RNF150: variants seen among roughly 807,000 people sequenced by gnomAD.
The protein encoded by RNF150 is ring finger protein 150.
Under a neutral mutation model 39.3 loss-of-function variants are expected in RNF150, and 24 were observed. The ratio of observed to expected loss-of-function variants is 0.61; its 90% CI spans 0.44 to 0.86. The LOEUF (loss-of-function observed/expected upper bound fraction) is 0.86, where lower values mean the gene tolerates loss of function less well. RNF150 is among the 40% of genes least tolerant of loss of function. RNF150 has a pLI of 0.00. For missense variants in RNF150, 502 were observed against 587.8 expected, an observed-to-expected ratio of 0.85 and a Z score of 1.51; for synonymous variants, 255 against 227.3, an observed-to-expected ratio of 1.12 and a Z score of -1.10.
At chr4:140,970,795 CAG>C (rs1579015624) in intron 1 of RNF150, among the ~76,000 whole-genome samples, 1 of 152,078 alleles carries the variant, frequency 6.6e-6, no homozygotes, top group African/African-American at 2.4e-5. Context: ...GAAAGACAAA[CAG>C]TGCAAATGGC....
At chr4:141,193,777 A>T (rs2111205705) in intron 1 of RNF150, among the ~76,000 whole-genome samples, 1 of 152,336 alleles carries the variant, frequency 6.6e-6, no homozygotes, top group South Asian at 2.1e-4. Flanking sequence ...AGAGATGCTT[A>T]GCAAGCGTCC....
chr4:140,917,829 A>G (rs1253512273), intron 5 of RNF150, among the ~76,000 whole-genome samples: 6 of 151,256 alleles, frequency 4.0e-5, no homozygotes, highest in African/African-American at 1.5e-4. Context: ...AACAGAAATT[A>G]TAACAAACTG....
At chr4:140,869,604 G>A (rs1055981576) in intron 6 of RNF150, among the ~76,000 whole-genome samples, 7 of 152,178 alleles carry the variant, frequency 4.6e-5, no homozygotes, top group African/African-American at 1.7e-4. Context: ...ACAACACAGT[G>A]AGATAAGCAC....
At chr4:140,958,460 G>A (rs1732873848) in intron 2 of RNF150, among the ~76,000 whole-genome samples, 1 of 152,106 alleles carries the variant, frequency 6.6e-6, no homozygotes, top group South Asian at 2.1e-4. Flanking sequence ...GCTTCGTCTG[G>A]TGGAAAACAC....
chr4:140,939,442 A>C (rs562046728), intron 4 of RNF150, among the ~76,000 whole-genome samples: 6 of 152,212 alleles, frequency 3.9e-5, no homozygotes, highest in Non-Finnish European at 7.3e-5. Flanking sequence ...TCCTAAAAGG[A>C]AAGAAGAGAA....
At position 140,950,979 on chromosome 4, in the gene RNF150, T is replaced by C. The variant is rs191575308; in HGVS notation, c.736-1607A>G. Among the ~76,000 whole-genome samples the C allele has an allele frequency of 1.5e-4, 23 of 152,268 alleles. 1 individual carries two copies. The highest frequency in any genetic ancestry group is 3.4e-3 in the Middle Eastern group (1 of 294). The stretch of plus-strand genomic sequence containing the variant: ...AATAGGAAGAGTCTTTAGTGATAAA[T>C]ACCAGGAAAAACAGGAGAGCGAGAG... On this transcript the variant is annotated intron_variant, in intron 2 of 6. Transcript: ENST00000515673.
chr4:141,182,800 T>C (rs1317360197), intron 1 of RNF150, among the ~76,000 whole-genome samples: 1 of 125,766 alleles, frequency 8.0e-6, no homozygotes, highest in Non-Finnish European at 1.7e-5. Context: ...AAGCTACCAA[T>C]GACTTTCTTC....
intron 1 of RNF150, among the ~76,000 whole-genome samples, chr4:141,042,180 A>G (rs1384510722): frequency 6.6e-6 from 1 of 152,112 alleles, no homozygotes; most frequent in Non-Finnish European, 1.5e-5. Context: ...AACAATTGCT[A>G]GTGAATCAGA....
At chr4:141,172,172 G>A (rs1420089416) in intron 1 of RNF150, among the ~76,000 whole-genome samples, 2 of 151,922 alleles carry the variant, frequency 1.3e-5, no homozygotes, top group African/African-American at 4.8e-5. Context: ...GGGCAGCTCG[G>A]TGGCTCTGCT....
intron 1 of RNF150, among the ~76,000 whole-genome samples, chr4:140,992,745 C>A (rs1734239464): frequency 6.6e-6 from 1 of 152,176 alleles, no homozygotes; most frequent in South Asian, 2.1e-4. Flanking sequence ...CCATTCTCCT[C>A]CCCCTTTCAT....
chr4:141,070,531 A>G (rs1737652071), intron 1 of RNF150, among the ~76,000 whole-genome samples: 1 of 150,014 alleles, frequency 6.7e-6, no homozygotes, highest in South Asian at 2.2e-4. Flanking sequence ...AAACAAATTT[A>G]CAAGAAAAAA....
intron 1 of RNF150, among the ~76,000 whole-genome samples, chr4:141,114,635 C>T (rs1271272685): frequency 6.6e-6 from 1 of 152,136 alleles, no homozygotes; most frequent in Non-Finnish European, 1.5e-5. Flanking sequence ...AAGAAGGACT[C>T]CTTCCTAATG....
chr4:141,053,815 GCTCT>G, intron 1 of RNF150: 1 of 627,874 alleles, frequency 1.6e-6, no homozygotes, highest in Non-Finnish European at 2.3e-6. Context: ...CCTTCAAAAT[GCTCT>G]CTCTCTTTCC....
At chr4:141,143,455 T>C (rs1727153563) in intron 1 of RNF150, among the ~76,000 whole-genome samples, 2 of 152,154 alleles carry the variant, frequency 1.3e-5, no homozygotes, top group Admixed American at 6.5e-5. Flanking sequence ...CCAATCTTCA[T>C]AATAAATCTC....
chr4:140,947,949 G>C (rs1732389295), intron 3 of RNF150, among the ~76,000 whole-genome samples: 1 of 152,046 alleles, frequency 6.6e-6, no homozygotes. Context: ...GCTTTTGTAA[G>C]GAAAACCATT....
rs1174014870 is a variant in RNF150 at position 141,019,080 on chromosome 4, A to ATATG, written c.485-51208_485-51207insCATA. Among the ~76,000 whole-genome samples, 197 of 136,794 alleles carry ATATG rather than the reference A, an allele frequency of 1.4e-3. 17 individuals are homozygous for ATATG. The highest frequency in any genetic ancestry group is 1.0e-2 in the East Asian group (43 of 4,310). The allele number at this position is 136,794 out of a possible 152,430, so 89.7% of individuals were successfully genotyped here. A position where few individuals can be genotyped will look rare whatever the true frequency, so the allele number is the denominator to read the frequency against. On this transcript the variant is annotated intron_variant, in intron 1 of 6. Coordinates refer to ENST00000515673, the MANE Select transcript of RNF150 (RefSeq NM_020724.2). ...TATATATATATATATATATATATAT[A>ATATG]TGGAACTTTACACAAAAGAATGTTA... is the stretch of plus-strand genomic sequence containing the variant.
chr4:140,932,867 T>C (rs1414924305), intron 4 of RNF150, among the ~76,000 whole-genome samples: 2 of 152,196 alleles, frequency 1.3e-5, no homozygotes. Flanking sequence ...ATTAACAATG[T>C]TTGAGATAGT....
chr4:141,051,945 C>T (rs376947344), intron 1 of RNF150, among the ~76,000 whole-genome samples: 7 of 152,130 alleles, frequency 4.6e-5, no homozygotes, highest in Non-Finnish European at 8.8e-5. Context: ...AGAGGTTTAA[C>T]GGACTTATAG....
chr4:140,890,365 C>A (rs561482931), intron 6 of RNF150, among the ~76,000 whole-genome samples: 35 of 152,208 alleles, frequency 2.3e-4, no homozygotes, highest in African/African-American at 5.8e-4. Flanking sequence ...AACAGAGAAA[C>A]CTTTAGGTTA....
Sources: allele counts gnomAD v4.1 joint callset (sites outside exome capture counted in the v4.1 genomes callset), GRCh38; gene constraint gnomAD v4.1.1; transcripts MANE v1.5; gene names NCBI Gene and HGNC (gene_info 2026-07-23, HGNC 2026-07-21).